Variants in SHC3 observed in about 807,000 individuals in gnomAD.
SHC3 encodes the protein SHC adaptor protein 3.
In SHC3, 15 loss-of-function variants were observed where a neutral mutation model predicts 60.4. That is an observed-to-expected ratio of 0.25 (90% CI 0.17 to 0.38). SHC3 has a LOEUF of 0.38. Among genes scored for constraint, SHC3 ranks in the 10% least tolerant of loss-of-function variants. The pLI is 1.00. For missense variants in SHC3, 677 were observed against 786.1 expected (o/e 0.86, Z 1.66); for synonymous variants, 294 against 325.9 (o/e 0.90, Z 1.05).
At chr9:89,111,802 T>C (rs1825951117) in intron 2 of SHC3, among the ~76,000 whole-genome samples, 1 of 152,192 alleles carries the variant, frequency 6.6e-6, no homozygotes, top group Non-Finnish European at 1.5e-5. Flanking sequence ...GGCATTTTTC[T>C]GAGGTGACTA....
chr9:89,040,023 C>T (rs1427423766), intron 10 of SHC3, among the ~76,000 whole-genome samples: 2 of 150,518 alleles, frequency 1.3e-5, no homozygotes. Flanking sequence ...CCACCACCAC[C>T]ATCGGCATCA....
intron 1 of SHC3, among the ~76,000 whole-genome samples, chr9:89,175,138 T>A (rs1037183414): frequency 6.6e-6 from 1 of 152,236 alleles, no homozygotes; most frequent in Non-Finnish European, 1.5e-5. Flanking sequence ...TTCTTTTCTA[T>A]CAAGAGCATA....
chr9:89,023,165 G>C (rs970027871), intron 11 of SHC3, among the ~76,000 whole-genome samples: 9 of 152,228 alleles, frequency 5.9e-5, no homozygotes, highest in African/African-American at 2.2e-4. Flanking sequence ...GGCCCACCCT[G>C]ATCTTAGCAT....
intron 11 of SHC3, among the ~76,000 whole-genome samples, chr9:89,022,687 G>A (rs1022037974): frequency 2.0e-5 from 3 of 152,100 alleles, no homozygotes; most frequent in African/African-American, 2.4e-5. Context: ...AGGACCATCC[G>A]AACATGCTTA....
chr9:89,030,196 A>T (rs147147499), intron 11 of SHC3, among the ~76,000 whole-genome samples: 2 of 152,334 alleles, frequency 1.3e-5, no homozygotes, highest in South Asian at 2.1e-4. Flanking sequence ...TTATACACAC[A>T]TATGCGCTTA....
chr9:89,135,092 A>G (rs1826299809), intron 1 of SHC3, among the ~76,000 whole-genome samples: 1 of 152,136 alleles, frequency 6.6e-6, no homozygotes, highest in South Asian at 2.1e-4. Flanking sequence ...AAATATTTGC[A>G]TAAGTACAAC....
At chr9:89,136,439 A>T (rs1826320470) in intron 1 of SHC3, among the ~76,000 whole-genome samples, 1 of 152,164 alleles carries the variant, frequency 6.6e-6, no homozygotes, top group Admixed American at 6.5e-5. Flanking sequence ...CAAAACAGAG[A>T]TGGCGATGAG....
chr9:89,160,297 T>C (rs1826685329), intron 1 of SHC3, among the ~76,000 whole-genome samples: 1 of 152,172 alleles, frequency 6.6e-6, no homozygotes, highest in Non-Finnish European at 1.5e-5. Flanking sequence ...CTCCTCCACC[T>C]ACCCAGATCT....
chr9:89,157,537 T>C (rs990705999), intron 1 of SHC3, among the ~76,000 whole-genome samples: 1 of 152,264 alleles, frequency 6.6e-6, no homozygotes, highest in African/African-American at 2.4e-5. Flanking sequence ...GTCACTAAAT[T>C]TGTGGTCATT....
intron 2 of SHC3, chr9:89,109,729 G>T: frequency 1.0e-6 from 1 of 985,476 alleles, no homozygotes; most frequent in Non-Finnish European, 1.2e-6. Flanking sequence ...ACATCTTCAG[G>T]CATCTCCAGG....
At chr9:89,036,597 T>C (rs1049959939) in intron 11 of SHC3, among the ~76,000 whole-genome samples, 1 of 152,180 alleles carries the variant, frequency 6.6e-6, no homozygotes, top group African/African-American at 2.4e-5. Flanking sequence ...GTGGACTGCA[T>C]ACGTGACGGG....
intron 6 of SHC3, among the ~76,000 whole-genome samples, chr9:89,064,983 T>C (rs1317424692): frequency 6.6e-6 from 1 of 152,180 alleles, no homozygotes; most frequent in African/African-American, 2.4e-5. Flanking sequence ...TCCAGGGTAG[T>C]GCACCTTGGT....
chr9:89,128,386 C>T (rs1826193964), intron 1 of SHC3, among the ~76,000 whole-genome samples: 2 of 152,278 alleles, frequency 1.3e-5, no homozygotes, highest in African/African-American at 2.4e-5. Flanking sequence ...TGTCTGACAG[C>T]TTTGAAGACA....
intron 11 of SHC3, among the ~76,000 whole-genome samples, chr9:89,021,942 G>A (rs2118645872): frequency 6.6e-6 from 1 of 152,278 alleles, no homozygotes; most frequent in Middle Eastern, 3.4e-3. Flanking sequence ...ACTACGGGGT[G>A]GTCTTTCCCA....
chr9:89,174,194 C>A (rs1162629385), intron 1 of SHC3, among the ~76,000 whole-genome samples: 1 of 152,048 alleles, frequency 6.6e-6, no homozygotes, highest in East Asian at 1.9e-4. Flanking sequence ...TTTACGAAGA[C>A]CACCTATAAA....
chr9:89,098,684 G>A (rs530987607), intron 2 of SHC3, among the ~76,000 whole-genome samples: 12 of 152,196 alleles, frequency 7.9e-5, no homozygotes, highest in East Asian at 3.9e-4. Context: ...GGTAGCAGGC[G>A]CCTGTAGTCC....
At position 89,042,054 on chromosome 9, in the gene SHC3, G is replaced by T; in HGVS notation, c.1332C>A (p.Ser444Arg). Residue 444 changes from serine (S) to arginine (R), a missense_variant, in exon 10 of 12, where the codon AGC (serine) becomes AGA (arginine). Ser to Arg is a moderately radical substitution (Grantham distance 110). Coordinates refer to ENST00000375835, the MANE Select transcript of SHC3 (RefSeq NM_016848.6). ...TGTCAAAGAGGTCTTTCCTTGGGCT[G>T]CTCTCAGCACTGCTGACCGCAGCCG... ...AWPAAVSSAESSPRKDLFDMK... is the reference protein window; with the variant it reads ...AWPAAVSSAERSPRKDLFDMK... The T allele has an allele frequency of 6.2e-7, 1 of 1,612,760 alleles. No individual in the cohort carries two copies.
intron 11 of SHC3, among the ~76,000 whole-genome samples, chr9:89,018,915 C>G (rs545616216): frequency 6.6e-6 from 1 of 151,286 alleles, no homozygotes; most frequent in Non-Finnish European, 1.5e-5. Context: ...AAAAATTAGC[C>G]GGACGTCATG....
intron 1 of SHC3, among the ~76,000 whole-genome samples, chr9:89,145,612 C>G (rs1826457787): frequency 6.6e-6 from 1 of 152,190 alleles, no homozygotes; most frequent in Non-Finnish European, 1.5e-5. Flanking sequence ...TAAGAATACA[C>G]AGGAGGAGTA....
Sources: gnomAD v4.1 joint callset for allele counts (sites outside exome capture counted in the v4.1 genomes callset) on GRCh38, gnomAD v4.1.1 for gene constraint, MANE v1.5 for transcripts, NCBI Gene and HGNC (gene_info 2026-07-23, HGNC 2026-07-21) for gene names.